The following CSRNP3 variants were observed in gnomAD, a reference collection of about 807,000 sequenced individuals.
CSRNP3 encodes the protein cysteine/serine-rich nuclear protein 3.
Under a neutral mutation model 48.0 loss-of-function variants are expected in CSRNP3, and 12 were observed. The ratio of observed to expected loss-of-function variants is 0.25; its 90% CI spans 0.16 to 0.41. CSRNP3 has a LOEUF of 0.41. CSRNP3 is among the 10% of genes least tolerant of loss of function. The pLI is 1.00. For synonymous variants in CSRNP3, 263 were observed against 269.7 expected (o/e 0.98, Z 0.24); for missense variants, 580 against 724.4 (o/e 0.80, Z 2.29).
chr2:165,518,152 T>C (rs994739507), intron 3 of CSRNP3, among the ~76,000 whole-genome samples, 191 bp downstream of exon 3: 1 of 151,968 alleles, frequency 6.6e-6, no homozygotes, highest in Admixed American at 6.6e-5. Flanking sequence ...TTAGGGACAA[T>C]AAAAAGTTGT....
At chr2:165,601,743 A>G (rs1376089017) in intron 4 of CSRNP3, among the ~76,000 whole-genome samples, 3 of 151,528 alleles carry the variant, frequency 2.0e-5, no homozygotes, top group Non-Finnish European at 4.4e-5. Flanking sequence ...CATCATGTGC[A>G]CCCAAAGTCA....
intron 2 of CSRNP3, among the ~76,000 whole-genome samples, chr2:165,499,145 T>C (rs1285162022): frequency 6.6e-6 from 1 of 152,130 alleles, no homozygotes; most frequent in Non-Finnish European, 1.5e-5. Context: ...TCCAAACAAA[T>C]TTAGGTAATT....
At chr2:165,534,702 A>T (rs891540891) in intron 3 of CSRNP3, among the ~76,000 whole-genome samples, 1 of 151,842 alleles carries the variant, frequency 6.6e-6, no homozygotes, top group Non-Finnish European at 1.5e-5. Context: ...ATACACTGAC[A>T]TGGAAAAACA....
chr2:165,608,500 C>T (rs905195353), intron 4 of CSRNP3, among the ~76,000 whole-genome samples: 1 of 152,126 alleles, frequency 6.6e-6, no homozygotes, highest in African/African-American at 2.4e-5. Flanking sequence ...TTACCTGGAA[C>T]ATTTTTAAAA....
intron 3 of CSRNP3, among the ~76,000 whole-genome samples, chr2:165,564,397 A>G (rs1234932933): frequency 6.6e-6 from 1 of 152,112 alleles, no homozygotes; most frequent in African/African-American, 2.4e-5. Context: ...TAAATTTGGC[A>G]TTGTATTAAT....
At chr2:165,646,594 A>G (rs745377961) in intron 4 of CSRNP3, among the ~76,000 whole-genome samples, 10 of 152,188 alleles carry the variant, frequency 6.6e-5, no homozygotes, top group East Asian at 1.9e-4. Context: ...AGAATGCCTC[A>G]TGCGGCTTTA....
intron 3 of CSRNP3, among the ~76,000 whole-genome samples, chr2:165,559,677 C>G (rs1439203665): frequency 6.6e-6 from 1 of 151,424 alleles, no homozygotes; most frequent in Non-Finnish European, 1.5e-5. Flanking sequence ...TAAAATAATA[C>G]AATTAAGACA....
chr2:165,638,927 G>A (rs10170688), intron 4 of CSRNP3, among the ~76,000 whole-genome samples: 132,356 of 152,208 alleles, frequency 0.87, 57,965 homozygotes, highest in African/African-American at 0.97. Flanking sequence ...CGTTGCTCCT[G>A]GGGGAAATAC....
In CSRNP3 at chr2:165,658,003, A is replaced by G; in HGVS notation, c.391A>G (p.Asn131Asp). The change falls in exon 5 of 7, where the codon AAC becomes GAC. Residue 131 changes from asparagine to aspartate, a missense_variant. Transcript: ENST00000651982. ...AGAACACCTTAGGGAGGAAAAGCTGAACTCCTTAAAACTAAAGGTAAAAAA... is the reference window on the plus strand; with the variant it reads ...AGAACACCTTAGGGAGGAAAAGCTGGACTCCTTAAAACTAAAGGTAAAAAA... ...LREHLREEKL[N>D]SLKLKMTKNG... The G allele has an allele frequency of 6.2e-7, 1 of 1,611,000 alleles. No homozygotes were observed. Among genetic ancestry groups the G allele is most frequent in the Non-Finnish European group, 8.5e-7 (1 of 1,178,138 alleles).
chr2:165,470,308 A>C (rs1683876656), intron 1 of CSRNP3, among the ~76,000 whole-genome samples: 1 of 152,108 alleles, frequency 6.6e-6, no homozygotes, highest in African/African-American at 2.4e-5. Context: ...CTCTTGATAA[A>C]TCTCATGTTG....
At chr2:165,604,559 G>A (rs1251116005) in intron 4 of CSRNP3, among the ~76,000 whole-genome samples, 1 of 152,180 alleles carries the variant, frequency 6.6e-6, no homozygotes, top group Non-Finnish European at 1.5e-5. Flanking sequence ...TACATGTAAT[G>A]ATGAACTGTG....
chr2:165,476,493 C>T (rs554923486), intron 1 of CSRNP3, among the ~76,000 whole-genome samples: 2 of 152,174 alleles, frequency 1.3e-5, no homozygotes, highest in African/African-American at 2.4e-5. Context: ...GTACTGTAAA[C>T]GTGTTCATTT....
At chr2:165,541,710 A>C (rs1488319498) in intron 3 of CSRNP3, among the ~76,000 whole-genome samples, 1 of 152,068 alleles carries the variant, frequency 6.6e-6, no homozygotes, top group Non-Finnish European at 1.5e-5. Flanking sequence ...CACACCCATG[A>C]TCAGCTCATT....
Position 165,591,881 on chromosome 2 carries a change from G to T in CSRNP3, c.-23-3162G>T, listed in dbSNP as rs111364532. Among the ~76,000 whole-genome samples, 349 of 152,336 alleles carry T rather than the reference G, an allele frequency of 2.3e-3. 1 individual carries two copies. The highest frequency in any genetic ancestry group is 8.0e-3 in the African/African-American group (333 of 41,590). ...TTAGGGCAGTGCAGAAGGGAAGTTT[G>T]GGGTTGGAGCCCCCACACAGAGTCC... On this transcript the variant is annotated intron_variant, in intron 3 of 6. Coordinates refer to ENST00000651982, the MANE Select transcript of CSRNP3 (RefSeq NM_001172173.2).
At chr2:165,608,893 A>G (rs546256261) in intron 4 of CSRNP3, among the ~76,000 whole-genome samples, 1 of 143,764 alleles carries the variant, frequency 7.0e-6, no homozygotes, top group South Asian at 2.2e-4. Context: ...GATCCAGACC[A>G]TCCTGGCTAA....
rs1366388227 is a variant in CSRNP3, at chr2:165,533,055, A to G, written c.-24+15094A>G. 6.6e-5 allele frequency among the ~76,000 whole-genome samples: 10 copies of G among 152,270 alleles called. 1 individual carries two copies. The highest frequency in any genetic ancestry group is 2.2e-4 in the African/African-American group (9 of 41,580). ...AAATGATTTTTCAAGGCAGGATAATATGGTATATTTTAAATGTGAACATTT... is the reference window on the plus strand; with the variant it reads ...AAATGATTTTTCAAGGCAGGATAATGTGGTATATTTTAAATGTGAACATTT... On this transcript the variant is annotated intron_variant, in intron 3 of 6. Transcript: ENST00000651982.
chr2:165,556,186 G>A (rs1001213324), intron 3 of CSRNP3, among the ~76,000 whole-genome samples: 8 of 152,130 alleles, frequency 5.3e-5, no homozygotes, highest in Non-Finnish European at 1.2e-4. Context: ...CAAATTAGGG[G>A]TAGGGAAGGA....
At position 165,679,040 on chromosome 2, in the gene CSRNP3, G is replaced by A. The variant is rs1325218070; in HGVS notation, c.1045G>A (p.Gly349Arg). The change falls in exon 7 of 7, where the codon GGG becomes AGG. Residue 349 changes from glycine (G) to arginine (R), a missense_variant. This residue lies in a region of CSRNP3 where 369 missense variants were observed against 380.8 expected (regional missense o/e 0.97). Coordinates refer to ENST00000651982, the MANE Select transcript of CSRNP3 (RefSeq NM_001172173.2). ...AGAGGAGGAGGAAGAAGAGGAGGAT[G>A]GGAGCAGCTTTTGCAGCGGAGTCAC... ...QGEEEEEEED[G>R]SSFCSGVTDS... 2 of 1,613,868 alleles carry A rather than the reference G, an allele frequency of 1.2e-6. No individual in the cohort carries two copies. Among genetic ancestry groups the A allele is most frequent in the Non-Finnish European group, 1.7e-6 (2 of 1,180,006 alleles).
chr2:165,586,319 C>T (rs751888216), intron 3 of CSRNP3, among the ~76,000 whole-genome samples: 3 of 152,212 alleles, frequency 2.0e-5, no homozygotes, highest in Non-Finnish European at 2.9e-5. Context: ...TTTTCATGTA[C>T]GTGGTTCTAA....
Sources: allele counts gnomAD v4.1 joint callset (sites outside exome capture counted in the v4.1 genomes callset), GRCh38; gene constraint gnomAD v4.1.1; regional missense constraint gnomAD v4.1.1; transcripts MANE v1.5; gene names NCBI Gene and HGNC (gene_info 2026-07-23, HGNC 2026-07-21).